The following PRKD3 variants were observed in gnomAD, a reference collection of about 807,000 sequenced individuals.
The protein encoded by PRKD3 is serine/threonine-protein kinase D3.
In PRKD3, 47 loss-of-function variants were observed where a neutral mutation model predicts 99.2. The ratio of observed to expected loss-of-function variants is 0.47; its 90% confidence interval spans 0.38 to 0.60. The LOEUF is 0.60. Among genes scored for constraint, PRKD3 ranks in the 20% least tolerant of loss-of-function variants. The probability of loss-of-function intolerance (pLI) is 0.00; values close to 1 mark genes in which losing one functional copy is unlikely to be tolerated. For missense variants in PRKD3, 1,019 were observed against 1,088.4 expected (o/e 0.94, Z 0.90); for synonymous variants, 392 against 355.4 (o/e 1.10, Z -1.16).
chr2:37,307,192 A>G (rs1042007253), intron 2 of PRKD3, among the ~76,000 whole-genome samples: 7 of 152,232 alleles, frequency 4.6e-5, no homozygotes, highest in African/African-American at 1.7e-4. Flanking sequence ...CATCAGATGA[A>G]AACAATTTAA....
intron 14 of PRKD3, among the ~76,000 whole-genome samples, chr2:37,261,682 A>C (rs1490093138): frequency 6.6e-6 from 1 of 152,194 alleles, no homozygotes; most frequent in Non-Finnish European, 1.5e-5. Flanking sequence ...CGGGAGGCTG[A>C]GGCAGGAGAA....
At chr2:37,281,351 G>T (rs1038604065) in intron 7 of PRKD3, among the ~76,000 whole-genome samples, 1 of 152,148 alleles carries the variant, frequency 6.6e-6, no homozygotes, top group African/African-American at 2.4e-5. Flanking sequence ...CAGATTAACC[G>T]AAAGAGAAAA....
In PRKD3 at chr2:37,259,692, A is replaced by G. The variant is rs1223215441; in HGVS notation, c.2047-11T>C. 2 of 1,584,844 alleles carry G rather than the reference A, an allele frequency of 1.3e-6. No individual in the cohort carries two copies. Among genetic ancestry groups the G allele is most frequent in the East Asian group, 4.5e-5 (2 of 44,706 alleles). ...CAAAGCAACAAGTATCTGTTATGAAAAAAGATTTTCTTTTCAATGTCTGGA... is the reference window on the plus strand; with the variant it reads ...CAAAGCAACAAGTATCTGTTATGAAGAAAGATTTTCTTTTCAATGTCTGGA... On this transcript the variant is annotated splice_polypyrimidine_tract_variant and intron_variant, in intron 15 of 18. Coordinates refer to ENST00000234179, the MANE Select transcript of PRKD3 (RefSeq NM_005813.6).
chr2:37,278,325 A>G (rs1669673327), intron 8 of PRKD3: 1 of 168,850 alleles, frequency 5.9e-6, no homozygotes, highest in Non-Finnish European at 1.3e-5. Context: ...GCTGTTGAAG[A>G]GTTTTCCTGC....
intron 14 of PRKD3, among the ~76,000 whole-genome samples, chr2:37,266,854 A>G (rs1668878629): frequency 6.6e-6 from 1 of 152,208 alleles, no homozygotes; most frequent in South Asian, 2.1e-4. Context: ...GTACATTTGC[A>G]TATTATAAAT....
rs923363685 is a variant in PRKD3, at chr2:37,324,809, C to T, written c.-784G>A. 2 of 150,706 alleles carry T rather than the reference C, an allele frequency of 1.3e-5. No individual in the cohort carries two copies. The highest frequency in any genetic ancestry group is 3.0e-5 in the Non-Finnish European group (2 of 67,470). 9.3% of individuals were successfully genotyped at this position (150,706 alleles called of 1,614,324 possible). A position where few individuals can be genotyped will look rare whatever the true frequency, so the allele number is the denominator to read the frequency against. ...CCGGCGCCCCTTCCTCCCTCCCTCC[C>T]CGTCCCGTCCTGGGGCCGGAGGGCG... On this transcript the variant is annotated 5_prime_UTR_variant, in exon 1 of 19. Transcript: ENST00000234179.
chr2:37,261,349 T>TGGTG (rs924399960), intron 14 of PRKD3, among the ~76,000 whole-genome samples: 9 of 151,856 alleles, frequency 5.9e-5, no homozygotes, highest in African/African-American at 1.9e-4. Context: ...TAACCAGGTG[T>TGGTG]GGTGACAGGT....
intron 3 of PRKD3, 31 bp downstream of exon 3, chr2:37,293,102 A>C (rs187804327): frequency 6.6e-7 from 1 of 1,519,552 alleles, no homozygotes; most frequent in Non-Finnish European, 9.0e-7. Flanking sequence ...TGAGGGGAAA[A>C]GGCAATCACT....
Position 37,286,320 on chromosome 2 carries a change from C to T in PRKD3, c.767G>A (p.Arg256His), listed in dbSNP as rs1670092830. 5 of 1,614,000 alleles carry T rather than the reference C, an allele frequency of 3.1e-6. No individual in the cohort carries two copies. The highest frequency in any genetic ancestry group is 3.4e-6 in the Non-Finnish European group (4 of 1,179,958). Residue 256 changes from arginine to histidine, a missense_variant, in exon 6 of 19, where the codon CGC becomes CAC. Physicochemically the swap from Arg to His is conservative, Grantham distance 29. This residue lies in a region of PRKD3 where 710 missense variants were observed against 692.7 expected (regional missense o/e 1.02). Transcript: ENST00000234179. ...TACCATCTTTTCCATCCAGATTGGG[C>T]GACCACTCCAAGAAGGAATTCTCTT... is the stretch of plus-strand genomic sequence containing the variant. ...PSKRIPSWSG[R>H]PIWMEKMVMC...
At chr2:37,318,166 T>C (rs959192281) in intron 1 of PRKD3, among the ~76,000 whole-genome samples, 1 of 151,932 alleles carries the variant, frequency 6.6e-6, no homozygotes. Flanking sequence ...AGGAAGAACG[T>C]GACAGAAGGG....
At chr2:37,298,962 T>C (rs1467112106) in intron 2 of PRKD3, among the ~76,000 whole-genome samples, 3 of 151,820 alleles carry the variant, frequency 2.0e-5, no homozygotes, top group Admixed American at 2.0e-4. Flanking sequence ...CAGTATTATG[T>C]TGAACAAAAG....
chr2:37,281,397 T>C (rs1387964734), intron 7 of PRKD3, among the ~76,000 whole-genome samples: 2 of 152,188 alleles, frequency 1.3e-5, no homozygotes, highest in Non-Finnish European at 2.9e-5. Context: ...ATCAGTGCTA[T>C]GGTATGAATG....
intron 13 of PRKD3, 71 bp from the exon 14 acceptor site, chr2:37,267,607 G>T: frequency 9.1e-7 from 1 of 1,103,874 alleles, no homozygotes; most frequent in South Asian, 1.3e-5. Flanking sequence ...TCCACAGACT[G>T]AAATTTATAT....
chr2:37,313,718 G>A (rs1355050838), intron 2 of PRKD3, among the ~76,000 whole-genome samples: 1 of 152,178 alleles, frequency 6.6e-6, no homozygotes, highest in African/African-American at 2.4e-5. Flanking sequence ...ACTTAAGACA[G>A]TCCCTCACTT....
At chr2:37,306,532 G>A (rs1315827496) in intron 2 of PRKD3, among the ~76,000 whole-genome samples, 1 of 152,218 alleles carries the variant, frequency 6.6e-6, no homozygotes. Flanking sequence ...AAATGGGTCA[G>A]GTGTGGTGGC....
At position 37,293,270 on chromosome 2, in the gene PRKD3, A is replaced by C; in HGVS notation, c.290T>G (p.Phe97Cys). The C allele has an allele frequency of 6.3e-7, 1 of 1,590,074 alleles. No individual in the cohort carries two copies. Among genetic ancestry groups the C allele is most frequent in the Non-Finnish European group, 8.6e-7 (1 of 1,160,930 alleles). The change falls in exon 3 of 19, where the codon TTT (phenylalanine) becomes TGT (cysteine). Residue 97 changes from phenylalanine (F) to cysteine (C), a missense_variant and splice_region_variant. By Grantham distance (205) the Phe-to-Cys change is radical. Around this residue, in one of 3 missense-constraint regions of PRKD3, gnomAD observed 710 missense variants for 692.7 expected, o/e 1.02. Transcript: ENST00000234179. ...CATGCCAAAGAATCCACACTCTGGAAACTGAGGGATAATAGTCCTATATCA... is the reference window on the plus strand; with the variant it reads ...CATGCCAAAGAATCCACACTCTGGACACTGAGGGATAATAGTCCTATATCA... ...DLVCSIVYQK[F>C]PECGFFGMYD...
chr2:37,272,313 G>A (rs1031583952), intron 12 of PRKD3, 67 bp downstream of exon 12: 1 of 1,572,422 alleles, frequency 6.4e-7, no homozygotes, highest in Admixed American at 1.9e-5. Flanking sequence ...CTCTAATAAA[G>A]ATTTTCACCT....
At chr2:37,267,966 TA>T (rs1471022300) in intron 13 of PRKD3, 1 of 189,720 alleles carries the variant, frequency 5.3e-6, no homozygotes, top group Non-Finnish European at 1.1e-5. Context: ...TTCTAGAATC[TA>T]GATATAAAAA....
intron 2 of PRKD3, among the ~76,000 whole-genome samples, chr2:37,297,465 C>A (rs1323817661): frequency 6.6e-6 from 1 of 152,116 alleles, no homozygotes; most frequent in Non-Finnish European, 1.5e-5. Context: ...ATATTTATTA[C>A]AATTAATAAC....
Sources: gnomAD v4.1 joint callset for allele counts (sites outside exome capture counted in the v4.1 genomes callset) on GRCh38, gnomAD v4.1.1 for gene constraint, gnomAD v4.1.1 regional missense constraint, MANE v1.5 for transcripts, NCBI Gene and HGNC (gene_info 2026-07-23, HGNC 2026-07-21) for gene names.